CDH12: variants seen among roughly 807,000 people sequenced by gnomAD.
CDH12 encodes cadherin-12.
CDH12 carries 41 observed loss-of-function variants against 74.1 expected under a neutral mutation model. The observed-to-expected ratio is 0.55, with a 90% CI of 0.43 to 0.72. The LOEUF is 0.72. CDH12 is among the 30% of genes least tolerant of loss of function. CDH12 has a pLI of 0.00. For missense variants in CDH12, 945 were observed against 977.2 expected, an observed-to-expected ratio of 0.97 and a Z score of 0.44; for synonymous variants, 399 against 355.0, an observed-to-expected ratio of 1.12 and a Z score of -1.39.
At chr5:22,818,189 G>A (rs1246120053) in intron 1 of CDH12, among the ~76,000 whole-genome samples, 8 of 152,102 alleles carry the variant, frequency 5.3e-5, no homozygotes, top group Non-Finnish European at 1.2e-4. Context: ...CTGTCTTGGT[G>A]AGGCTTTAAG....
At chr5:22,766,740 TG>T (rs755807605) in intron 1 of CDH12, among the ~76,000 whole-genome samples, 28 of 152,122 alleles carry the variant, frequency 1.8e-4, no homozygotes, top group Admixed American at 2.0e-4. Context: ...TTCTTGTCAT[TG>T]TTCCCTAAAC....
rs1561268805 is a variant in CDH12 at position 21,880,671 on chromosome 5, C to CTTTCTTTCTTT, written c.527-25892_527-25882dup. 8.3e-5 allele frequency among the ~76,000 whole-genome samples: 10 copies of CTTTCTTTCTTT among 120,216 alleles called. 1 individual carries two copies. The highest frequency in any genetic ancestry group is 5.4e-4 in the South Asian group (2 of 3,716). The allele number at this position is 120,216 out of a possible 152,430, so 78.9% of individuals were successfully genotyped here. On this transcript the variant is annotated intron_variant, in intron 6 of 14. Transcript: ENST00000382254. ...TCTTTCTTTCTTTCTTTCTTTCTTT[C>CTTTCTTTCTTT]TTTCTTTCTTTCTTTCTTTCTCTTT...
intron 4 of CDH12, among the ~76,000 whole-genome samples, chr5:22,196,789 G>T (rs1580387745): frequency 6.6e-6 from 1 of 152,118 alleles, no homozygotes; most frequent in Non-Finnish European, 1.5e-5. Context: ...AAGTTCTTGT[G>T]GCTTTGGGAC....
At chr5:21,911,938 A>G (rs1324399283) in intron 6 of CDH12, among the ~76,000 whole-genome samples, 1 of 152,160 alleles carries the variant, frequency 6.6e-6, no homozygotes, top group Non-Finnish European at 1.5e-5. Context: ...TGTAAGTTGA[A>G]CAACTTTAAG....
intron 1 of CDH12, among the ~76,000 whole-genome samples, chr5:22,760,714 GTAAAT>G (rs1431586799): frequency 6.9e-6 from 1 of 145,882 alleles, no homozygotes; most frequent in Non-Finnish European, 1.5e-5. Context: ...AAAAAAAAAG[GTAAAT>G]TAAAAAATCA....
At chr5:21,753,609 C>T (rs10061557) in intron 14 of CDH12, among the ~76,000 whole-genome samples, 4,219 of 152,218 alleles carry the variant, frequency 0.028, 176 homozygotes, top group African/African-American at 0.094. Flanking sequence ...GCTAGGGGAC[C>T]TAAAGGAGTG....
At chr5:22,335,589 G>GA (rs112964473) in intron 3 of CDH12, among the ~76,000 whole-genome samples, 4,830 of 140,870 alleles carry the variant, frequency 0.034, 242 homozygotes, top group African/African-American at 0.11. Context: ...CATCTCAAAA[G>GA]AAAAAAAAAA....
At chr5:22,446,984 T>G (rs1744840904) in intron 2 of CDH12, among the ~76,000 whole-genome samples, 1 of 152,088 alleles carries the variant, frequency 6.6e-6, no homozygotes, top group Non-Finnish European at 1.5e-5. Flanking sequence ...GTGTTCCCTG[T>G]ATATAACACT....
chr5:22,762,146 G>A (rs1373827617), intron 1 of CDH12, among the ~76,000 whole-genome samples: 3 of 152,026 alleles, frequency 2.0e-5, no homozygotes, highest in South Asian at 2.1e-4. Flanking sequence ...ACCCAGTTAC[G>A]AAATGTATGT....
chr5:22,673,189 A>T (rs1284161767), intron 1 of CDH12, among the ~76,000 whole-genome samples: 1 of 152,166 alleles, frequency 6.6e-6, no homozygotes, highest in East Asian at 1.9e-4. Context: ...CAGTTGGATG[A>T]TTACTTTTTA....
At chr5:21,976,638 G>T (rs1483832042) in intron 5 of CDH12, among the ~76,000 whole-genome samples, 1 of 151,510 alleles carries the variant, frequency 6.6e-6, no homozygotes, top group Non-Finnish European at 1.5e-5. Flanking sequence ...GCTCATTTGG[G>T]TATAGCCATT....
intron 2 of CDH12, among the ~76,000 whole-genome samples, chr5:22,411,531 T>C (rs564391864): frequency 6.6e-6 from 1 of 152,114 alleles, no homozygotes; most frequent in East Asian, 1.9e-4. Flanking sequence ...GTCAGCATAA[T>C]TCGAGCTCAA....
At chr5:22,375,059 A>C (rs910807855) in intron 3 of CDH12, among the ~76,000 whole-genome samples, 3 of 152,178 alleles carry the variant, frequency 2.0e-5, no homozygotes, top group African/African-American at 7.2e-5. Context: ...ATATATTATA[A>C]AGCTATAATA....
At chr5:22,578,773 T>A (rs914435813) in intron 1 of CDH12, among the ~76,000 whole-genome samples, 1 of 152,124 alleles carries the variant, frequency 6.6e-6, no homozygotes, top group Admixed American at 6.6e-5. Context: ...AAATATTGCC[T>A]GAATATGCGT....
chr5:22,517,941 T>A (rs1352856640), intron 1 of CDH12, among the ~76,000 whole-genome samples: 1 of 152,200 alleles, frequency 6.6e-6, no homozygotes, highest in East Asian at 1.9e-4. Context: ...GCTTCCAACC[T>A]CAACTGGGCG....
chr5:22,341,640 G>T (rs546498534), intron 3 of CDH12, among the ~76,000 whole-genome samples: 1 of 152,266 alleles, frequency 6.6e-6, no homozygotes, highest in South Asian at 2.1e-4. Flanking sequence ...CACAGACATA[G>T]TGAGGATCCT....
intron 3 of CDH12, among the ~76,000 whole-genome samples, chr5:22,375,326 G>C (rs1741474486): frequency 2.0e-5 from 3 of 152,004 alleles, no homozygotes; most frequent in South Asian, 2.1e-4. Context: ...CATAAGAACT[G>C]AAACTATAAA....
intron 1 of CDH12, among the ~76,000 whole-genome samples, chr5:22,645,474 CAAA>C (rs1739391056): frequency 6.6e-6 from 1 of 151,884 alleles, no homozygotes; most frequent in Admixed American, 6.6e-5. Context: ...TATGGATTAG[CAAA>C]TAAAATGGTT....
chr5:22,809,409 A>T (rs1210987696), intron 1 of CDH12, among the ~76,000 whole-genome samples: 1 of 151,718 alleles, frequency 6.6e-6, no homozygotes, highest in Non-Finnish European at 1.5e-5. Context: ...GGGATCTTAT[A>T]AAGAACATAT....
Sources: gnomAD v4.1 joint callset for allele counts (sites outside exome capture counted in the v4.1 genomes callset) on GRCh38, gnomAD v4.1.1 for gene constraint, MANE v1.5 for transcripts, NCBI Gene and HGNC (gene_info 2026-07-23, HGNC 2026-07-21) for gene names.